ST7: variants seen among roughly 807,000 people sequenced by gnomAD.
The protein encoded by ST7 is suppression of tumorigenicity 7, also known as suppressor of tumorigenicity 7 protein.
In ST7, 28 loss-of-function variants were observed where a neutral mutation model predicts 78.7. The observed-to-expected ratio is 0.36, with a 90% CI of 0.26 to 0.49. ST7 has a LOEUF of 0.49. ST7 is among the 20% of genes least tolerant of loss of function. The pLI, the probability that ST7 is intolerant of heterozygous loss-of-function variation, is 0.99. For synonymous variants in ST7, 247 were observed against 249.6 expected, an observed-to-expected ratio of 0.99 and a Z score of 0.10; for missense variants, 418 against 696.0, an observed-to-expected ratio of 0.60 and a Z score of 4.49.
rs530995793 is a variant in ST7, at chr7:117,146,237, G to T, written c.963+7705G>T. 2.0e-5 allele frequency: 3 copies of T among 152,354 alleles called. No individual in the cohort carries two copies. In the East Asian group the frequency reaches 5.8e-4, roughly 29 times the overall value. 9.4% of individuals were successfully genotyped at this position (152,354 alleles called of 1,614,324 possible). A position where few individuals can be genotyped will look rare whatever the true frequency, so the allele number is the denominator to read the frequency against. ...TACACTTCTACAGTGCCATCGCACTGTAAAGGCATATGTGACTGAAGACTG... is the reference window on the plus strand; with the variant it reads ...TACACTTCTACAGTGCCATCGCACTTTAAAGGCATATGTGACTGAAGACTG... On this transcript the variant is annotated intron_variant, in intron 9 of 15. Transcript: ENST00000323984.
intron 3 of ST7, among the ~76,000 whole-genome samples, chr7:117,126,501 T>A (rs905504012): frequency 4.6e-5 from 7 of 151,918 alleles, no homozygotes; most frequent in Non-Finnish European, 7.4e-5. Flanking sequence ...CCTTTTCACT[T>A]TTCTGCCAAG....
At chr7:117,001,388 C>T (rs1794926856) in intron 1 of ST7, among the ~76,000 whole-genome samples, 1 of 152,130 alleles carries the variant, frequency 6.6e-6, no homozygotes, top group Non-Finnish European at 1.5e-5. Context: ...GGTTTTCCTG[C>T]TGTTTTCTAT....
chr7:117,104,179 G>A (rs545251442), intron 2 of ST7, among the ~76,000 whole-genome samples: 5 of 152,272 alleles, frequency 3.3e-5, no homozygotes, highest in South Asian at 2.1e-4. Context: ...AGTGGCTCAC[G>A]CCTGCAATCA....
chr7:117,080,868 A>G (rs370188656), intron 1 of ST7: 1 of 152,272 alleles, frequency 6.6e-6, no homozygotes, highest in East Asian at 1.9e-4. Context: ...TACCAACCTT[A>G]TTTATGCCAT....
intron 1 of ST7, among the ~76,000 whole-genome samples, chr7:116,974,177 G>A (rs1793578588): frequency 6.6e-6 from 1 of 151,884 alleles, no homozygotes; most frequent in Non-Finnish European, 1.5e-5. Context: ...TCCCCCTCAG[G>A]TATTCTTGTA....
intron 1 of ST7, among the ~76,000 whole-genome samples, chr7:116,963,073 A>G (rs1792914640): frequency 6.6e-6 from 1 of 152,216 alleles, no homozygotes; most frequent in African/African-American, 2.4e-5. Flanking sequence ...TCTATATTCT[A>G]TAGGCTTGGC....
At chr7:117,205,023 G>A (rs563205024) in intron 12 of ST7, among the ~76,000 whole-genome samples, 1 of 152,256 alleles carries the variant, frequency 6.6e-6, no homozygotes, top group African/African-American at 2.4e-5. Context: ...AGCTATGGTT[G>A]CACCACTGCA....
At chr7:117,046,925 GCCT>G (rs1259604540) in intron 1 of ST7, among the ~76,000 whole-genome samples, 2 of 152,128 alleles carry the variant, frequency 1.3e-5, no homozygotes, top group African/African-American at 4.8e-5. Context: ...ACCTCTCTGA[GCCT>G]CTTCTTCATC....
Position 117,087,098 on chromosome 7 carries a change from C to G in ST7, c.152-12664C>G, listed in dbSNP as rs150542964. Among the ~76,000 whole-genome samples the G allele has an allele frequency of 4.5e-3, 678 of 152,258 alleles. 2 individuals are homozygous for G. The highest frequency in any genetic ancestry group is 7.8e-3 in the Non-Finnish European group (532 of 68,014). On this transcript the variant is annotated intron_variant, in intron 1 of 15. Transcript: ENST00000323984. ...GAAGAGAAGTACATTAGTCATTGAA[C>G]TGTTAGAGAATATAATGAAAAGAAA...
intron 2 of ST7, among the ~76,000 whole-genome samples, chr7:117,100,587 G>GT (rs905350086): frequency 4.0e-5 from 6 of 151,682 alleles, no homozygotes; most frequent in African/African-American, 9.7e-5. Context: ...ACAATTCTAA[G>GT]TTTTTTTTCC....
chr7:117,073,097 G>T (rs1412739464), intron 1 of ST7: 1 of 152,180 alleles, frequency 6.6e-6, no homozygotes, highest in Non-Finnish European at 1.5e-5. Context: ...TTCAGCCTTT[G>T]AAGGAGACTG....
intron 8 of ST7, 21 bp from the exon 9 acceptor site, chr7:117,138,414 G>A (rs1391838710): frequency 6.7e-7 from 1 of 1,499,954 alleles, no homozygotes; most frequent in Non-Finnish European, 9.0e-7. Context: ...AAATGTTGGT[G>A]TTTTATATCT....
intron 9 of ST7, among the ~76,000 whole-genome samples, chr7:117,167,760 C>A (rs1807682241): frequency 6.6e-6 from 1 of 152,054 alleles, no homozygotes; most frequent in African/African-American, 2.4e-5. Context: ...TAAAGAAAAC[C>A]AGAAGAGAAT....
rs377516151 is a variant in ST7 at position 117,130,488 on chromosome 7, C to T, written c.450-3C>T. Reference sequence around the variant, plus strand: ...GTCTAATCATCTTATTTCTCCTTTGCAGGTATACTTGGGTGACAGGACGAG... The same window carrying T: ...GTCTAATCATCTTATTTCTCCTTTGTAGGTATACTTGGGTGACAGGACGAG... On this transcript the variant is annotated splice_region_variant and splice_polypyrimidine_tract_variant and intron_variant, in intron 4 of 15. Coordinates refer to ENST00000323984, the MANE Select transcript of ST7 (RefSeq NM_001369598.1). 8.7e-6 allele frequency: 14 copies of T among 1,600,878 alleles called. No homozygotes were observed. The highest frequency in any genetic ancestry group is 5.4e-5 in the African/African-American group (4 of 74,214).
intron 10 of ST7, chr7:117,173,710 A>G (rs1346011792): frequency 1.3e-5 from 2 of 152,094 alleles, no homozygotes; most frequent in Non-Finnish European, 2.9e-5. Context: ...GCCACACCCA[A>G]AGCAGCAGGA....
chr7:117,153,233 G>A (rs916095960), intron 9 of ST7, among the ~76,000 whole-genome samples: 1 of 152,160 alleles, frequency 6.6e-6, no homozygotes, highest in African/African-American at 2.4e-5. Flanking sequence ...CTAAGTAGCT[G>A]GTTTATGGAT....
intron 12 of ST7, among the ~76,000 whole-genome samples, chr7:117,196,299 T>C (rs1387908757): frequency 3.3e-5 from 5 of 152,238 alleles, no homozygotes; most frequent in Non-Finnish European, 7.3e-5. Context: ...GGGGAATGAC[T>C]GGATCATATA....
intron 1 of ST7, among the ~76,000 whole-genome samples, chr7:117,082,932 G>A (rs1214914303): frequency 1.3e-5 from 2 of 152,146 alleles, no homozygotes; most frequent in Non-Finnish European, 2.9e-5. Flanking sequence ...CTGGTGTGTT[G>A]GTTAAATAGT....
At chr7:117,059,225 T>A (rs1212171875) in intron 1 of ST7, among the ~76,000 whole-genome samples, 1 of 152,194 alleles carries the variant, frequency 6.6e-6, no homozygotes, top group Non-Finnish European at 1.5e-5. Context: ...GGATAAATGC[T>A]GGAGGTGATA....
Sources: gnomAD v4.1 joint callset for allele counts (sites outside exome capture counted in the v4.1 genomes callset) on GRCh38, gnomAD v4.1.1 for gene constraint, MANE v1.5 for transcripts, NCBI Gene and HGNC (gene_info 2026-07-23, HGNC 2026-07-21) for gene names.